Variants in GLP2R observed in about 807,000 individuals in gnomAD.
GLP2R encodes glucagon like peptide 2 receptor, also known as glucagon-like peptide 2 receptor.
In GLP2R, 59 loss-of-function variants were observed where a neutral mutation model predicts 68.2. The ratio of observed to expected loss-of-function variants is 0.87; its 90% CI spans 0.70 to 1.07. The LOEUF is 1.07. Ranked by LOEUF, GLP2R falls within the 50% of genes least tolerant of loss-of-function variation. GLP2R has a pLI of 0.00. For synonymous variants in GLP2R, 270 were observed against 265.4 expected (o/e 1.02, Z -0.17); for missense variants, 548 against 677.4 (o/e 0.81, Z 2.12).
intron 12 of GLP2R, among the ~76,000 whole-genome samples, 182 bp downstream of exon 12, chr17:9,888,155 G>C (rs1252376245): frequency 6.6e-6 from 1 of 152,122 alleles, no homozygotes; most frequent in African/African-American, 2.4e-5. Context: ...TAGACAAATG[G>C]AAAAAAGGTG....
chr17:9,862,122 G>C lies in GLP2R; in HGVS notation c.1056+32G>C, dbSNP rs79952508. The stretch of plus-strand genomic sequence containing the variant: ...ACCATCCCATCCACCTCTTTGTCTC[G>C]GAGCCTAGCAGCTGTGGGGAATCCC... On this transcript the variant is annotated intron_variant, in intron 9 of 12. Coordinates refer to ENST00000262441, the MANE Select transcript of GLP2R (RefSeq NM_004246.3). The C allele has an allele frequency of 3.6e-4, 549 of 1,525,124 alleles. 4 individuals carry two copies. In the East Asian group the frequency reaches 0.01, roughly 29 times the overall value. The allele number at this position is 1,525,124 out of a possible 1,614,324, so 94.5% of individuals were successfully genotyped here.
intron 10 of GLP2R, among the ~76,000 whole-genome samples, chr17:9,872,555 T>G (rs2067104967): frequency 6.6e-6 from 1 of 152,080 alleles, no homozygotes; most frequent in African/African-American, 2.4e-5. Flanking sequence ...CCGGCCTGGG[T>G]GACAAGAGCA....
intron 9 of GLP2R, among the ~76,000 whole-genome samples, chr17:9,868,325 T>A (rs1521464): frequency 0.25 from 37,765 of 151,878 alleles, 7,269 homozygotes; most frequent in African/African-American, 0.52. Context: ...AGTTTAGGGG[T>A]AGATGAGGCC....
At chr17:9,847,178 G>A (rs1420436380) in intron 4 of GLP2R, among the ~76,000 whole-genome samples, 5 of 152,168 alleles carry the variant, frequency 3.3e-5, no homozygotes, top group Non-Finnish European at 5.9e-5. Flanking sequence ...ACACAGACAT[G>A]TAGAAATGTA....
chr17:9,850,866 G>A (rs1372258464), intron 4 of GLP2R, among the ~76,000 whole-genome samples: 1 of 151,740 alleles, frequency 6.6e-6, no homozygotes, highest in Non-Finnish European at 1.5e-5. Context: ...GCTAATTTTT[G>A]TATTTTTAGT....
At chr17:9,861,616 C>T (rs1567729427) in intron 8 of GLP2R, among the ~76,000 whole-genome samples, 1 of 151,748 alleles carries the variant, frequency 6.6e-6, no homozygotes, top group African/African-American at 2.4e-5. Context: ...AAAGCAAGTT[C>T]GTTATTATGG....
At chr17:9,868,527 G>C (rs954800856) in intron 9 of GLP2R, among the ~76,000 whole-genome samples, 5 of 152,166 alleles carry the variant, frequency 3.3e-5, no homozygotes, top group Non-Finnish European at 7.3e-5. Flanking sequence ...GGAGGAGTTG[G>C]CTGGGTTCTT....
At chr17:9,856,706 G>C (rs2066936463) in intron 5 of GLP2R, among the ~76,000 whole-genome samples, 1 of 152,218 alleles carries the variant, frequency 6.6e-6, no homozygotes, top group African/African-American at 2.4e-5. Context: ...TTTGGCCTGA[G>C]AGTTTCTGTG....
chr17:9,827,061 G>A (rs952605744), intron 1 of GLP2R, among the ~76,000 whole-genome samples: 2 of 151,938 alleles, frequency 1.3e-5, no homozygotes, highest in Non-Finnish European at 2.9e-5. Context: ...TAGAGATGGG[G>A]TTTCACCATG....
At chr17:9,871,086 G>C in intron 10 of GLP2R, among the ~76,000 whole-genome samples, 1 of 152,174 alleles carries the variant, frequency 6.6e-6, no homozygotes, top group East Asian at 1.9e-4. Context: ...GCCCCTAAGA[G>C]GGCAGGAGTG....
chr17:9,846,237 A>C (rs1009677506), intron 4 of GLP2R, among the ~76,000 whole-genome samples: 2 of 152,204 alleles, frequency 1.3e-5, no homozygotes, highest in African/African-American at 4.8e-5. Context: ...TACCAATTGC[A>C]TACAGATTGT....
chr17:9,830,825 A>G (rs1170907788), intron 1 of GLP2R, among the ~76,000 whole-genome samples: 1 of 152,234 alleles, frequency 6.6e-6, no homozygotes, highest in Non-Finnish European at 1.5e-5. Context: ...GTGATTACAA[A>G]GCAAGTATAG....
chr17:9,842,477 A>G lies in GLP2R; in HGVS notation c.383-18A>G. 6.8e-6 allele frequency: 11 copies of G among 1,613,754 alleles called. No homozygotes were observed. The highest frequency in any genetic ancestry group is 8.5e-6 in the Non-Finnish European group (10 of 1,179,872). The stretch of plus-strand genomic sequence containing the variant: ...CTGTGTGTTCTGACCTTTCCTCCAG[A>G]GCTTTGTTTACTTTCAGAGAGCTCA... On this transcript the variant is annotated intron_variant, in intron 3 of 12. Transcript: ENST00000262441.
intron 7 of GLP2R, among the ~76,000 whole-genome samples, chr17:9,860,678 G>C (rs1010022267): frequency 6.6e-6 from 1 of 152,048 alleles, no homozygotes; most frequent in African/African-American, 2.4e-5. Context: ...CCATCACTGG[G>C]GTAGGGCTTC....
intron 9 of GLP2R, among the ~76,000 whole-genome samples, chr17:9,862,910 T>C (rs933427474): frequency 3.3e-5 from 5 of 152,132 alleles, no homozygotes; most frequent in Non-Finnish European, 5.9e-5. Context: ...TGTGGTACCA[T>C]CAAAGAAAAA....
At chr17:9,887,875 T>A in intron 11 of GLP2R, 57 bp from the exon 12 acceptor site, 1 of 1,332,300 alleles carries the variant, frequency 7.5e-7, no homozygotes. Context: ...TGCCAGTAAC[T>A]CTCAGACACA....
At chr17:9,861,317 C>G in intron 8 of GLP2R, 118 bp downstream of exon 8, 1 of 699,044 alleles carries the variant, frequency 1.4e-6, no homozygotes, top group Non-Finnish European at 2.6e-6. Flanking sequence ...TTTTGGCCAT[C>G]TAGAATATTC....
intron 10 of GLP2R, among the ~76,000 whole-genome samples, chr17:9,877,002 A>G (rs2067147087): frequency 6.6e-6 from 1 of 152,194 alleles, no homozygotes; most frequent in African/African-American, 2.4e-5. Context: ...TACTCCTTTT[A>G]CAGATGAGGA....
intron 10 of GLP2R, among the ~76,000 whole-genome samples, chr17:9,875,440 A>G (rs1010609532): frequency 6.6e-6 from 1 of 152,210 alleles, no homozygotes; most frequent in African/African-American, 2.4e-5. Context: ...CAATTCTTGA[A>G]GATTTTGAGA....
Sources: allele counts gnomAD v4.1 joint callset (sites outside exome capture counted in the v4.1 genomes callset), GRCh38; gene constraint gnomAD v4.1.1; transcripts MANE v1.5; gene names NCBI Gene and HGNC (gene_info 2026-07-23, HGNC 2026-07-21).